The following SYMPK variants were observed in gnomAD, a reference collection of about 807,000 sequenced individuals.
SYMPK encodes the protein symplekin.
In SYMPK, 49 loss-of-function variants were observed where a neutral mutation model predicts 136.4. The ratio of observed to expected loss-of-function variants is 0.36; its 90% CI spans 0.29 to 0.46. The LOEUF (loss-of-function observed/expected upper bound fraction) is 0.46, where lower values mean the gene tolerates loss of function less well. Ranked by LOEUF, SYMPK falls within the 20% of genes least tolerant of loss-of-function variation. SYMPK has a pLI of 1.00. For synonymous variants in SYMPK, 766 were observed against 713.0 expected, an observed-to-expected ratio of 1.07 and a Z score of -1.19; for missense variants, 1,365 against 1,690.0, an observed-to-expected ratio of 0.81 and a Z score of 3.37.
chr19:45,822,087 T>C (rs1309400975), intron 21 of SYMPK, among the ~76,000 whole-genome samples: 1 of 151,778 alleles, frequency 6.6e-6, no homozygotes, highest in African/African-American at 2.4e-5. Flanking sequence ...AATCCCTTGC[T>C]AGTTTTTCTA....
rs1970898582 is a variant in SYMPK, at chr19:45,821,608, TG to T, written c.2792-124del. On this transcript the variant is annotated intron_variant, in intron 21 of 26. Coordinates refer to ENST00000245934, the MANE Select transcript of SYMPK (RefSeq NM_004819.3). The surrounding 1 kb of genome is among the most constrained non-coding windows in gnomAD (Gnocchi z 4.4). ...ATGAGGTGCCCTCTGCTTTCAGGGC[TG>T]GAACAGGGGAAGCGACTGACAACAT... 2 of 682,372 alleles carry T rather than the reference TG, an allele frequency of 2.9e-6. No individual in the cohort carries two copies. The highest frequency in any genetic ancestry group is 2.8e-5 in the East Asian group (1 of 36,064). The allele number at this position is 682,372 out of a possible 1,614,324, so 42.3% of individuals were successfully genotyped here.
In SYMPK at chr19:45,835,103, C is replaced by T. The variant is rs1273541753; in HGVS notation, c.1368G>A (p.Gln456=). The part of the protein sequence containing the change: ...IKHLARLMAT[Q]MTAAGLGPGV... ...CTGGTCCCAGTCCGGCAGCTGTCAT[C>T]TGTGTGGCCATGAGCCGAGCCAGGT... The change falls in exon 11 of 27, where the codon CAG becomes CAA. Residue 456 remains glutamine (Q), a synonymous_variant. Coordinates refer to ENST00000245934, the MANE Select transcript of SYMPK (RefSeq NM_004819.3). The T allele has an allele frequency of 6.2e-7, 1 of 1,609,734 alleles. No homozygotes were observed. The highest frequency in any genetic ancestry group is 1.1e-5 in the South Asian group (1 of 90,584).
chr19:45,819,350 C>G (rs902985373), intron 22 of SYMPK: 1 of 152,518 alleles, frequency 6.6e-6, no homozygotes, highest in Non-Finnish European at 1.5e-5. Context: ...TGGGCAGGCC[C>G]CAGGGGCACC....
chr19:45,841,292 C>CG (rs1278810305), intron 9 of SYMPK, among the ~76,000 whole-genome samples: 1 of 147,552 alleles, frequency 6.8e-6, no homozygotes, highest in Non-Finnish European at 1.5e-5. Flanking sequence ...CAATTCCCCC[C>CG]CCACCTTTTT....
intron 22 of SYMPK, chr19:45,820,002 C>A (rs1207811487): frequency 6.6e-6 from 1 of 152,574 alleles, no homozygotes; most frequent in African/African-American, 2.4e-5. Context: ...CCTGCTGACC[C>A]CTCTGGGGGC....
chr19:45,857,083 A>T (rs1424339651), intron 1 of SYMPK, among the ~76,000 whole-genome samples: 2 of 151,784 alleles, frequency 1.3e-5, no homozygotes, highest in Admixed American at 1.3e-4. Context: ...ACGCCACTGC[A>T]CTCCAGCCTG....
Position 45,830,035 on chromosome 19 carries a change from G to T in SYMPK, c.1749+19C>A. 1 of 1,535,406 alleles carries T rather than the reference G, an allele frequency of 6.5e-7. No homozygotes were observed. The highest frequency in any genetic ancestry group is 8.8e-7 in the Non-Finnish European group (1 of 1,134,160). ...GTAGAGGGACTGGAAGGATGGGGTG[G>T]GGGGTGGCAGGCGCACACCTGGGCT... On this transcript the variant is annotated intron_variant, in intron 13 of 26. Coordinates refer to ENST00000245934, the MANE Select transcript of SYMPK (RefSeq NM_004819.3).
Position 45,818,012 on chromosome 19 carries a change from G to A in SYMPK, c.3028C>T (p.Pro1010Ser). The change falls in exon 23 of 27, where the codon CCC (proline) becomes TCC (serine). Residue 1010 changes from proline to serine, a missense_variant. By Grantham distance (74) the Pro-to-Ser change is moderately conservative. Around this residue, in one of 11 missense-constraint regions of SYMPK, gnomAD observed 156 missense variants for 217.8 expected, o/e 0.72. Coordinates refer to ENST00000245934, the MANE Select transcript of SYMPK (RefSeq NM_004819.3). ...RTVIQSLTMY[P>S]RLGGFVMNIL... ...TTCATGACGAAGCCCCCCAGGCGGG[G>A]GTACATGGTCAGGGACTGGATGACG... 7 of 1,581,058 alleles carry A rather than the reference G, an allele frequency of 4.4e-6. No homozygotes were observed. The highest frequency in any genetic ancestry group is 6.0e-6 in the Non-Finnish European group (7 of 1,163,190).
rs537625977 is a variant in SYMPK, at chr19:45,831,485, G to A, written c.1497C>T (p.Ala499=). Residue 499 remains alanine, a synonymous_variant, in exon 12 of 27, where the codon GCC becomes GCT. Transcript: ENST00000245934. ...IKRRLSAQGQ[A]ISVVGSLSSM... ...AGCTCAGGGAACCCACCACCGAGAT[G>A]GCTTGGCCCTGGGCTGACAGGCGCC... 125 of 1,611,214 alleles carry A rather than the reference G, an allele frequency of 7.8e-5. No homozygotes were observed. The East Asian group carries it at 2.3e-3, about 30-fold the overall frequency.
Position 45,830,139 on chromosome 19 carries a change from T to C in SYMPK, c.1664A>G (p.Asp555Gly), listed in dbSNP as rs747365457. 1.2e-6 allele frequency: 2 copies of C among 1,603,742 alleles called. No individual in the cohort carries two copies. The highest frequency in any genetic ancestry group is 2.2e-5 in the East Asian group (1 of 44,498). ...CAGCTTCATGGCTTCCACCTGGGCA[T>C]CGGTAAGGGGCTTCAGCACGTCGCT... is the stretch of plus-strand genomic sequence containing the variant. ...RLSDVLKPLT[D>G]AQVEAMKLGA... The change falls in exon 13 of 27, where the codon GAT becomes GGT. Residue 555 changes from aspartate (D) to glycine (G), a missense_variant. Physicochemically the swap from Asp to Gly is moderately conservative, Grantham distance 94. Coordinates refer to ENST00000245934, the MANE Select transcript of SYMPK (RefSeq NM_004819.3).
chr19:45,857,799 T>A (rs1259760278), intron 1 of SYMPK, among the ~76,000 whole-genome samples: 2 of 64,946 alleles, frequency 3.1e-5, no homozygotes, highest in Non-Finnish European at 6.0e-5. Flanking sequence ...CCGAAAATAC[T>A]TTTTTTTTTT....
chr19:45,834,236 C>T (rs1460215435), intron 11 of SYMPK, among the ~76,000 whole-genome samples: 3 of 151,558 alleles, frequency 2.0e-5, no homozygotes, highest in Admixed American at 2.0e-4. Context: ...TGCAGTGAGC[C>T]GAGATCATGC....
intron 9 of SYMPK, among the ~76,000 whole-genome samples, chr19:45,839,206 A>G (rs1365949255): frequency 6.6e-6 from 1 of 152,082 alleles, no homozygotes; most frequent in Non-Finnish European, 1.5e-5. Context: ...GTTTTTTAGA[A>G]GGCACTTTGG....
Position 45,844,024 on chromosome 19 carries a change from A to C in SYMPK, c.847+6T>G. ...GGCAGGGGGAGGGGGGAGGACAATG[A>C]CCTACCATGCAGAGTTTCATAGGCC... On this transcript the variant is annotated splice_donor_region_variant and intron_variant, in intron 8 of 26. Coordinates refer to ENST00000245934, the MANE Select transcript of SYMPK (RefSeq NM_004819.3). 6.7e-7 allele frequency: 1 copy of C among 1,502,726 alleles called. No individual in the cohort carries two copies. The highest frequency in any genetic ancestry group is 8.9e-7 in the Non-Finnish European group (1 of 1,118,232). The allele number at this position is 1,502,726 out of a possible 1,614,324, so 93.1% of individuals were successfully genotyped here.
intron 22 of SYMPK, chr19:45,820,723 A>T: frequency 6.2e-6 from 1 of 162,204 alleles, no homozygotes. Flanking sequence ...GGTCCGTTTC[A>T]CTTCAGATTC....
At chr19:45,839,335 C>G (rs1971381807) in intron 9 of SYMPK, among the ~76,000 whole-genome samples, 1 of 152,180 alleles carries the variant, frequency 6.6e-6, no homozygotes, top group Non-Finnish European at 1.5e-5. Context: ...AAGACTGATT[C>G]CAGGGCTGGG....
chr19:45,836,032 G>A (rs753793432), intron 10 of SYMPK, among the ~76,000 whole-genome samples: 5 of 152,094 alleles, frequency 3.3e-5, no homozygotes, highest in Non-Finnish European at 5.9e-5. Context: ...TCCTAACAGA[G>A]AACATCCATG....
At position 45,822,808 on chromosome 19, in the gene SYMPK, G is replaced by A; in HGVS notation, c.2739C>T (p.Leu913=). The A allele has an allele frequency of 6.2e-7, 1 of 1,614,122 alleles. No individual in the cohort carries two copies. Among genetic ancestry groups the A allele is most frequent in the Non-Finnish European group, 8.5e-7 (1 of 1,179,984 alleles). ...VIQALPKLIK[L]NPIVVKEVFN... ...AGACTTCCTTCACCACGATGGGGTTGAGTTTGATGAGTTTAGGCAGGGCCT... is the reference window on the plus strand; with the variant it reads ...AGACTTCCTTCACCACGATGGGGTTAAGTTTGATGAGTTTAGGCAGGGCCT... The change falls in exon 21 of 27, where the codon CTC becomes CTT. Residue 913 remains leucine, a synonymous_variant. Coordinates refer to ENST00000245934, the MANE Select transcript of SYMPK (RefSeq NM_004819.3).
intron 5 of SYMPK, among the ~76,000 whole-genome samples, chr19:45,851,822 C>T (rs959119313): frequency 3.9e-5 from 6 of 152,126 alleles, no homozygotes; most frequent in Non-Finnish European, 7.4e-5. Flanking sequence ...TGCAGTGAGC[C>T]GAGATTGCGC....
Sources: gnomAD v4.1 joint callset for allele counts (sites outside exome capture counted in the v4.1 genomes callset) on GRCh38, gnomAD v4.1.1 for gene constraint, gnomAD v4.1.1 regional missense constraint, Gnocchi (gnomAD v3.1) non-coding constraint, MANE v1.5 for transcripts, NCBI Gene and HGNC (gene_info 2026-07-23, HGNC 2026-07-21) for gene names.